IL22RA1: variants seen among roughly 807,000 people sequenced by gnomAD.
IL22RA1 encodes interleukin-22 receptor subunit alpha-1.
Under a neutral mutation model 32.8 loss-of-function variants are expected in IL22RA1, and 25 were observed. The observed-to-expected ratio is 0.76, with a 90% confidence interval of 0.55 to 1.06. The LOEUF (loss-of-function observed/expected upper bound fraction) is 1.06. IL22RA1 is among the 50% of genes least tolerant of loss of function. The pLI, the probability that IL22RA1 is intolerant of heterozygous loss-of-function variation, is 0.00. For synonymous variants in IL22RA1, 305 were observed against 305.0 expected (o/e 1.00, Z 0.00); for missense variants, 709 against 727.4 (o/e 0.97, Z 0.29).
intron 3 of IL22RA1, 152 bp from the exon 4 acceptor site, chr1:24,134,538 G>T: frequency 1.8e-6 from 1 of 560,330 alleles, no homozygotes. Flanking sequence ...AACAAACAGT[G>T]AAAAGAGAAA....
intron 2 of IL22RA1, 55 bp from the exon 3 acceptor site, chr1:24,137,364 C>A: frequency 6.5e-7 from 1 of 1,534,092 alleles, no homozygotes; most frequent in Non-Finnish European, 9.0e-7. Context: ...CAGCGCTAGG[C>A]CTGTGGCTTA....
chr1:24,139,559 G>A (rs971507291), intron 1 of IL22RA1, among the ~76,000 whole-genome samples: 1 of 151,974 alleles, frequency 6.6e-6, no homozygotes, highest in African/African-American at 2.4e-5. Flanking sequence ...TTTGAGACAG[G>A]GTCTTGCTCT....
intron 2 of IL22RA1, among the ~76,000 whole-genome samples, 168 bp from the exon 3 acceptor site, chr1:24,137,477 T>G (rs1393213172): frequency 1.3e-5 from 2 of 152,078 alleles, no homozygotes; most frequent in African/African-American, 2.4e-5. Context: ...CTCTGAGGCA[T>G]ATGCATTCTT....
At position 24,138,353 on chromosome 1, in the gene IL22RA1, C is replaced by T. The variant is rs183477503; in HGVS notation, c.176+229G>A. On this transcript the variant is annotated intron_variant, in intron 2 of 6. Coordinates refer to ENST00000270800, the MANE Select transcript of IL22RA1 (RefSeq NM_021258.4). ...GGTTACCTGCCCAAGGTTATACAGG[C>T]GAGAGCGGCATTTAAGCCCAGACAG... 7.2e-5 allele frequency among the ~76,000 whole-genome samples: 11 copies of T among 152,262 alleles called. No individual in the cohort carries two copies. In the East Asian group the frequency reaches 1.5e-3, roughly 21 times the overall value.
rs568439273 is a variant in IL22RA1 at position 24,121,080 on chromosome 1, C to A, written c.1450G>T (p.Gly484Trp). 6.2e-7 allele frequency: 1 copy of A among 1,614,196 alleles called. No homozygotes were observed. The highest frequency in any genetic ancestry group is 2.2e-5 in the East Asian group (1 of 44,886). ...RTSDPNVLHS[G>W]EEGTPQYLKG... ...AGGTACTGTGGTGTCCCTTCCTCCC[C>A]ACTGTGTAGCACATTTGGGTCAGAT... The change falls in exon 7 of 7, where the codon GGG becomes TGG. Residue 484 changes from glycine to tryptophan, a missense_variant. By Grantham distance (184) the Gly-to-Trp change is radical (BLOSUM62 -2). Transcript: ENST00000270800.
At chr1:24,137,071 C>A (rs1011360149) in intron 3 of IL22RA1, 60 bp downstream of exon 3, 2 of 1,527,376 alleles carry the variant, frequency 1.3e-6, no homozygotes, top group Non-Finnish European at 1.8e-6. Flanking sequence ...GCCATCCCAC[C>A]CCGCAAACAC....
intron 4 of IL22RA1, among the ~76,000 whole-genome samples, chr1:24,130,730 A>T (rs1644198485): frequency 1.3e-5 from 2 of 152,246 alleles, no homozygotes; most frequent in African/African-American, 4.8e-5. Context: ...TTTGAGACAC[A>T]GTCTTACTCT....
intron 4 of IL22RA1, among the ~76,000 whole-genome samples, chr1:24,133,308 G>T (rs887077884): frequency 1.3e-5 from 2 of 151,866 alleles, no homozygotes; most frequent in Non-Finnish European, 2.9e-5. Flanking sequence ...ATCTTGCTGT[G>T]CTGACATCCT....
At chr1:24,128,045 G>T in intron 5 of IL22RA1, 96 bp downstream of exon 5, 1 of 1,250,790 alleles carries the variant, frequency 8.0e-7, no homozygotes, top group Non-Finnish European at 1.1e-6. Flanking sequence ...GTTTTCTAGA[G>T]TGTTGCCAAG....
chr1:24,128,285 T>C lies in IL22RA1; in HGVS notation c.532-6A>G, dbSNP rs1436120407. The C allele has an allele frequency of 3.7e-6, 6 of 1,613,522 alleles. No homozygotes were observed. The highest frequency in any genetic ancestry group is 4.2e-6 in the Non-Finnish European group (5 of 1,179,748). ...CTCTGCTTCCCTCCAAGGTGCTGAA[T>C]TGGACAGAGAATGGAATGTGATTCC... On this transcript the variant is annotated splice_region_variant and splice_polypyrimidine_tract_variant and intron_variant, in intron 4 of 6. Coordinates refer to ENST00000270800, the MANE Select transcript of IL22RA1 (RefSeq NM_021258.4).
At chr1:24,131,803 G>T (rs1249569004) in intron 4 of IL22RA1, among the ~76,000 whole-genome samples, 1 of 152,064 alleles carries the variant, frequency 6.6e-6, no homozygotes, top group Non-Finnish European at 1.5e-5. Flanking sequence ...CCAACCAACT[G>T]CAAAATATAC....
At chr1:24,138,488 G>A in intron 2 of IL22RA1, 94 bp downstream of exon 2, 1 of 1,389,456 alleles carries the variant, frequency 7.2e-7, no homozygotes, top group Admixed American at 1.8e-5. Flanking sequence ...CAGTCCTGGT[G>A]GGGACATGGG....
chr1:24,135,442 C>T (rs999573493), intron 3 of IL22RA1, among the ~76,000 whole-genome samples: 8 of 152,112 alleles, frequency 5.3e-5, no homozygotes, highest in African/African-American at 1.4e-4. Flanking sequence ...CAATATTTTA[C>T]TTAATTTTAT....
At chr1:24,137,940 C>T (rs1486152406) in intron 2 of IL22RA1, among the ~76,000 whole-genome samples, 2 of 152,160 alleles carry the variant, frequency 1.3e-5, no homozygotes, top group African/African-American at 4.8e-5. Context: ...ATTCTGGGCT[C>T]GTCATCACCA....
In IL22RA1 at chr1:24,139,730, G is replaced by A. The variant is rs973799796; in HGVS notation, c.44-1016C>T. ...TTTTTAAATTTTTTGTAGTGATGGGGTCTCATATATTGTCCAGGATGTTAT... is the reference window on the plus strand; with the variant it reads ...TTTTTAAATTTTTTGTAGTGATGGGATCTCATATATTGTCCAGGATGTTAT... On this transcript the variant is annotated intron_variant, in intron 1 of 6. Transcript: ENST00000270800. 4.3e-4 allele frequency among the ~76,000 whole-genome samples: 65 copies of A among 152,278 alleles called. No individual in the cohort carries two copies. In the Middle Eastern group the frequency reaches 0.01, roughly 24 times the overall value.
In IL22RA1 at chr1:24,128,530, CAT is replaced by C. The variant is rs56091453; in HGVS notation, c.532-253_532-252del. On this transcript the variant is annotated intron_variant, in intron 4 of 6. Transcript: ENST00000270800. Reference sequence around the variant, plus strand: ...ACACACTATATAATGTGGTTATATACATATATATATATATATATAAAATGTGT... The same window carrying C: ...ACACACTATATAATGTGGTTATATACATATATATATATATATAAAATGTGT... Among the ~76,000 whole-genome samples the C allele has an allele frequency of 5.4e-3, 792 of 147,752 alleles. 5 individuals are homozygous for C. Among genetic ancestry groups the C allele is most frequent in the African/African-American group, 0.017 (690 of 40,400 alleles).
chr1:24,127,134 G>C (rs1046013949), intron 5 of IL22RA1, among the ~76,000 whole-genome samples: 3 of 152,020 alleles, frequency 2.0e-5, no homozygotes, highest in Non-Finnish European at 4.4e-5. Context: ...GTAGTGAGCC[G>C]AGATTGTGCC....
chr1:24,142,604 T>C (rs1332182081), intron 1 of IL22RA1, among the ~76,000 whole-genome samples: 1 of 152,186 alleles, frequency 6.6e-6, no homozygotes, highest in African/African-American at 2.4e-5. Context: ...AATAGTGAAC[T>C]CAAGCTTCGT....
chr1:24,132,145 G>A (rs570353638), intron 4 of IL22RA1, among the ~76,000 whole-genome samples: 17 of 152,004 alleles, frequency 1.1e-4, no homozygotes, highest in Non-Finnish European at 2.1e-4. Context: ...GTCCCTCCAC[G>A]TCAGAGGTTC....
Sources: allele counts gnomAD v4.1 joint callset (sites outside exome capture counted in the v4.1 genomes callset), GRCh38; gene constraint gnomAD v4.1.1; transcripts MANE v1.5; gene names NCBI Gene and HGNC (gene_info 2026-07-23, HGNC 2026-07-21).